The following EPG5 variants were observed in gnomAD, a reference collection of about 807,000 sequenced individuals.
EPG5 encodes ectopic P-granules 5 autophagy tethering factor, also known as ectopic P granules protein 5 homolog.
EPG5 carries 159 observed loss-of-function variants against 302.7 expected under a neutral mutation model. That is an observed-to-expected ratio of 0.53 (90% confidence interval 0.46 to 0.60). EPG5 has a LOEUF of 0.60. EPG5 is among the 20% of genes least tolerant of loss of function. The probability of loss-of-function intolerance (pLI) is 0.00; values close to 1 mark genes in which losing one functional copy is unlikely to be tolerated. For missense variants in EPG5, 2,896 were observed against 3,092.4 expected, an observed-to-expected ratio of 0.94 and a Z score of 1.51; for synonymous variants, 1,158 against 1,136.8, an observed-to-expected ratio of 1.02 and a Z score of -0.37.
chr18:45,852,344 C>T lies in EPG5; in HGVS notation c.*123G>A. ...ATATCTAACGCCTCCCAACTTGCAT[C>T]TCAGTCAACTACACATTGGCCAAAC... On this transcript the variant is annotated 3_prime_UTR_variant, in exon 44 of 44. Coordinates refer to ENST00000282041, the MANE Select transcript of EPG5 (RefSeq NM_020964.3). 1 of 809,580 alleles carries T rather than the reference C, an allele frequency of 1.2e-6. No homozygotes were observed. The highest frequency in any genetic ancestry group is 1.9e-6 in the Non-Finnish European group (1 of 517,072). 50.1% of individuals were successfully genotyped at this position (809,580 alleles called of 1,614,324 possible). A position where few individuals can be genotyped will look rare whatever the true frequency, so the allele number is the denominator to read the frequency against.
intron 1 of EPG5, 59 bp downstream of exon 1, chr18:45,967,118 G>A: frequency 1.3e-6 from 2 of 1,510,424 alleles, no homozygotes; most frequent in South Asian, 1.2e-5. Flanking sequence ...AGGCCGAAGA[G>A]AGGAGCAAGG....
At chr18:45,819,908 C>T in the EPG5 span, among the ~76,000 whole-genome samples, 1 of 152,184 alleles carries the variant, frequency 6.6e-6, no homozygotes, top group Non-Finnish European at 1.5e-5. Flanking sequence ...CTAGGCATCA[C>T]CCCTTTTTAT....
intron 36 of EPG5, among the ~76,000 whole-genome samples, chr18:45,869,454 A>G (rs1297522447): frequency 6.6e-6 from 1 of 152,240 alleles, no homozygotes; most frequent in African/African-American, 2.4e-5. Flanking sequence ...GTCATCTGCC[A>G]TTAGAATAAA....
chr18:45,958,173 G>A (rs910375138), intron 1 of EPG5, among the ~76,000 whole-genome samples: 1 of 152,154 alleles, frequency 6.6e-6, no homozygotes, highest in Non-Finnish European at 1.5e-5. Context: ...ATTACTGAAA[G>A]AAATTAAATG....
chr18:45,862,637 T>G (rs2048659708), intron 39 of EPG5, among the ~76,000 whole-genome samples: 1 of 152,208 alleles, frequency 6.6e-6, no homozygotes, highest in Non-Finnish European at 1.5e-5. Context: ...TTGCTCCTTC[T>G]CTGGCCATGT....
At chr18:45,946,014 T>C (rs942742476) in intron 7 of EPG5, among the ~76,000 whole-genome samples, 40 of 152,066 alleles carry the variant, frequency 2.6e-4, no homozygotes, top group Non-Finnish European at 1.2e-4. Context: ...GAACACCAAA[T>C]CAAGATTCAG....
At chr18:45,917,901 A>C in intron 16 of EPG5, 82 bp from the exon 17 acceptor site, 1 of 1,489,848 alleles carries the variant, frequency 6.7e-7, no homozygotes, top group African/African-American at 1.4e-5. Flanking sequence ...ATGAGCCTTC[A>C]ATACCTTGGG....
At chr18:45,857,310 C>T (rs562587413) in intron 42 of EPG5, among the ~76,000 whole-genome samples, 2 of 152,128 alleles carry the variant, frequency 1.3e-5, no homozygotes, top group South Asian at 4.2e-4. Context: ...GGGGTTTCAC[C>T]ATGTTGGCCA....
At chr18:45,925,293 A>G (rs8098012) in intron 14 of EPG5, among the ~76,000 whole-genome samples, 38,240 of 152,004 alleles carry the variant, frequency 0.25, 5,741 homozygotes, top group African/African-American at 0.4. Context: ...CCAACATGGC[A>G]AAACCCTGTC....
At position 45,876,220 on chromosome 18, in the gene EPG5, C is replaced by T. The variant is rs1276827181; in HGVS notation, c.6049+16G>A. 6.4e-7 allele frequency: 1 copy of T among 1,569,450 alleles called. No homozygotes were observed. The highest frequency in any genetic ancestry group is 8.8e-7 in the Non-Finnish European group (1 of 1,139,436). ...AAAAATGAAAACTAAGCAGAGACAGCCTGACATCTTCCTACCTTTAAAACT... is the reference window on the plus strand; with the variant it reads ...AAAAATGAAAACTAAGCAGAGACAGTCTGACATCTTCCTACCTTTAAAACT... On this transcript the variant is annotated intron_variant, in intron 35 of 43. Transcript: ENST00000282041.
At chr18:45,841,480 G>A in the EPG5 span, among the ~76,000 whole-genome samples, 2 of 152,306 alleles carry the variant, frequency 1.3e-5, no homozygotes, top group Middle Eastern at 3.4e-3. Context: ...CGGACGCATG[G>A]CTCCATCAGA....
At chr18:45,829,852 C>T in the EPG5 span, among the ~76,000 whole-genome samples, 1 of 152,160 alleles carries the variant, frequency 6.6e-6, no homozygotes, top group Admixed American at 6.5e-5. Flanking sequence ...TTGGTTCCAT[C>T]CTTCCCTTAC....
rs1287489625 is a variant in EPG5, at chr18:45,852,640, C to A, written c.7567G>T (p.Ala2523Ser). The change falls in exon 44 of 44, where the codon GCT becomes TCT. Residue 2523 changes from alanine (A) to serine (S), a missense_variant. By Grantham distance (99) the Ala-to-Ser change is moderately conservative. Coordinates refer to ENST00000282041, the MANE Select transcript of EPG5 (RefSeq NM_020964.3). ...LTPKAQQALNALESMASSKQY... is the reference protein window; with the variant it reads ...LTPKAQQALNSLESMASSKQY... The stretch of plus-strand genomic sequence containing the variant: ...TTACTTGATGCCATGGATTCAAGAG[C>A]ATTCAGAGCCTAAAAGACACGGAAG... The A allele has an allele frequency of 6.2e-7, 1 of 1,613,844 alleles. No homozygotes were observed. The highest frequency in any genetic ancestry group is 2.2e-5 in the East Asian group (1 of 44,884).
At chr18:45,824,595 G>A in the EPG5 span, among the ~76,000 whole-genome samples, 1 of 152,232 alleles carries the variant, frequency 6.6e-6, no homozygotes, top group Non-Finnish European at 1.5e-5. Context: ...TGCTTGCAGA[G>A]AGTGACCAAG....
intron 24 of EPG5, among the ~76,000 whole-genome samples, chr18:45,905,351 G>C (rs2049724263): frequency 6.6e-6 from 1 of 152,076 alleles, no homozygotes; most frequent in African/African-American, 2.4e-5. Flanking sequence ...AATGTCCTTG[G>C]CTTCTCAATA....
At chr18:45,914,600 T>C (rs2049987344) in intron 20 of EPG5, among the ~76,000 whole-genome samples, 1 of 152,248 alleles carries the variant, frequency 6.6e-6, no homozygotes, top group Non-Finnish European at 1.5e-5. Flanking sequence ...ATAGGTGCCA[T>C]CATTATTCCC....
chr18:45,896,996 T>G (rs2049495064), intron 27 of EPG5, among the ~76,000 whole-genome samples: 1 of 152,254 alleles, frequency 6.6e-6, no homozygotes, highest in Non-Finnish European at 1.5e-5. Flanking sequence ...AGAAAAGGTG[T>G]TTCTTTTTAT....
At chr18:45,830,409 C>T in the EPG5 span, among the ~76,000 whole-genome samples, 1 of 152,098 alleles carries the variant, frequency 6.6e-6, no homozygotes, top group Non-Finnish European at 1.5e-5. Context: ...AGCTAATGCC[C>T]GATGCGGCAG....
rs1378899335 is a variant in EPG5 at position 45,849,190 on chromosome 18, C to T, written c.*3277G>A. 1 of 151,894 alleles carries T rather than the reference C, an allele frequency of 6.6e-6. No homozygotes were observed. The highest frequency in any genetic ancestry group is 1.5e-5 in the Non-Finnish European group (1 of 68,024). 9.4% of individuals were successfully genotyped at this position (151,894 alleles called of 1,614,324 possible). Reference sequence around the variant, plus strand: ...GACATGTGATGAAAACTGAAAATATCTAAAGGTCTGCCTCAAGGAGGGGCA... The same window carrying T: ...GACATGTGATGAAAACTGAAAATATTTAAAGGTCTGCCTCAAGGAGGGGCA... On this transcript the variant is annotated 3_prime_UTR_variant, in exon 44 of 44. Coordinates refer to ENST00000282041, the MANE Select transcript of EPG5 (RefSeq NM_020964.3).
Sources: allele counts gnomAD v4.1 joint callset (sites outside exome capture counted in the v4.1 genomes callset), GRCh38; gene constraint gnomAD v4.1.1; transcripts MANE v1.5; gene names NCBI Gene and HGNC (gene_info 2026-07-23, HGNC 2026-07-21).